The following SPMIP7 variants were observed in gnomAD, a reference collection of about 807,000 sequenced individuals.
SPMIP7 encodes sperm microtubule inner protein 7, also known as protein SPMIP7.
chr7:50,110,275 T>C, the SPMIP7 span, among the ~76,000 whole-genome samples: 201 of 151,376 alleles, frequency 1.3e-3, no homozygotes, highest in Non-Finnish European at 2.3e-3. Flanking sequence ...AATGATAATA[T>C]CTTAAAAGCG....
chr7:50,134,239 T>C, the SPMIP7 span: 555 of 1,541,832 alleles, frequency 3.6e-4, 2 homozygotes, highest in East Asian at 0.013. Flanking sequence ...GTGCCAGCAA[T>C]AACTCAGGTC....
At chr7:50,103,300 G>A in the SPMIP7 span, among the ~76,000 whole-genome samples, 1 of 152,032 alleles carries the variant, frequency 6.6e-6, no homozygotes, top group African/African-American at 2.4e-5. Flanking sequence ...CAAATCTGAA[G>A]CCCCCATGGG....
At chr7:50,104,678 A>G in the SPMIP7 span, among the ~76,000 whole-genome samples, 1 of 152,056 alleles carries the variant, frequency 6.6e-6, no homozygotes, top group African/African-American at 2.4e-5. Context: ...GACTTCCTTC[A>G]CTGGCAAGTG....
the SPMIP7 span, among the ~76,000 whole-genome samples, chr7:50,125,261 CA>C: frequency 2.2e-5 from 1 of 45,130 alleles, no homozygotes; most frequent in African/African-American, 1.5e-4. Flanking sequence ...CATATATATA[CA>C]CACATATATA....
At chr7:50,153,646 C>A in the SPMIP7 span, among the ~76,000 whole-genome samples, 7 of 152,130 alleles carry the variant, frequency 4.6e-5, no homozygotes, top group Non-Finnish European at 8.8e-5. Context: ...ATGTTACTAT[C>A]ACCATTTTAC....
At chr7:50,153,478 G>T in the SPMIP7 span, among the ~76,000 whole-genome samples, 1 of 152,184 alleles carries the variant, frequency 6.6e-6, no homozygotes, top group African/African-American at 2.4e-5. Context: ...TAAATCACAA[G>T]AACTGCTTGC....
At chr7:50,150,269 C>T in the SPMIP7 span, among the ~76,000 whole-genome samples, 2 of 152,148 alleles carry the variant, frequency 1.3e-5, no homozygotes, top group African/African-American at 2.4e-5. Context: ...TTTGTCTGGG[C>T]ACCAATTTTG....
At chr7:50,107,378 A>G in the SPMIP7 span, among the ~76,000 whole-genome samples, 22 of 70,898 alleles carry the variant, frequency 3.1e-4, no homozygotes, top group Admixed American at 2.5e-3. Context: ...AAAAAAAAAA[A>G]AAAAAAAGAA....
At chr7:50,129,292 A>G in the SPMIP7 span, among the ~76,000 whole-genome samples, 1 of 152,044 alleles carries the variant, frequency 6.6e-6, no homozygotes, top group Non-Finnish European at 1.5e-5. Flanking sequence ...CATTAAAGAT[A>G]ATAATGATTA....
At chr7:50,099,029 G>A in the SPMIP7 span, among the ~76,000 whole-genome samples, 2 of 152,168 alleles carry the variant, frequency 1.3e-5, no homozygotes, top group South Asian at 2.1e-4. Flanking sequence ...GGCAACAACC[G>A]TTATATCTTC....
At chr7:50,134,328 A>G in the SPMIP7 span, 1 of 1,248,094 alleles carries the variant, frequency 8.0e-7, no homozygotes, top group Non-Finnish European at 1.1e-6. Flanking sequence ...AATAATACTT[A>G]TTTTATTGTT....
the SPMIP7 span, among the ~76,000 whole-genome samples, chr7:50,152,610 G>A: frequency 6.6e-6 from 1 of 152,126 alleles, no homozygotes; most frequent in Admixed American, 6.5e-5. Flanking sequence ...CCCAAAAGGA[G>A]AGCTTGTTCT....
At chr7:50,119,131 T>TC in the SPMIP7 span, among the ~76,000 whole-genome samples, 1 of 152,060 alleles carries the variant, frequency 6.6e-6, no homozygotes, top group Non-Finnish European at 1.5e-5. Flanking sequence ...GAACCCATGG[T>TC]CCTCTCCCTA....
the SPMIP7 span, among the ~76,000 whole-genome samples, chr7:50,120,038 C>G: frequency 1.3e-5 from 2 of 152,188 alleles, no homozygotes; most frequent in African/African-American, 4.8e-5. Flanking sequence ...TGGGGGCCTG[C>G]AGACACATTG....
chr7:50,151,593 A>G, the SPMIP7 span: 3 of 1,383,472 alleles, frequency 2.2e-6, no homozygotes, highest in African/African-American at 1.4e-5. Context: ...TTGCTCAGAT[A>G]CATTAGGAGG....
At chr7:50,113,851 T>A in the SPMIP7 span, among the ~76,000 whole-genome samples, 2 of 152,074 alleles carry the variant, frequency 1.3e-5, no homozygotes, top group African/African-American at 2.4e-5. Context: ...AAATTTTTTT[T>A]AAAATTATGC....
chr7:50,096,734 T>G, the SPMIP7 span: 1 of 975,712 alleles, frequency 1.0e-6, no homozygotes, highest in Non-Finnish European at 1.4e-6. Context: ...ATTAACAAAA[T>G]TACAATGATC....
At chr7:50,110,712 T>G in the SPMIP7 span, among the ~76,000 whole-genome samples, 4 of 88,128 alleles carry the variant, frequency 4.5e-5, no homozygotes, top group Non-Finnish European at 6.4e-5. Context: ...TTATATAATA[T>G]ATTGCATATA....
the SPMIP7 span, among the ~76,000 whole-genome samples, chr7:50,135,840 G>A: frequency 3.3e-5 from 5 of 152,078 alleles, no homozygotes; most frequent in Non-Finnish European, 7.4e-5. Flanking sequence ...CATGGGTTTC[G>A]GTATGAAACA....
Sources: gnomAD v4.1 joint callset for allele counts (sites outside exome capture counted in the v4.1 genomes callset) on GRCh38, gnomAD v4.1.1 for gene constraint, MANE v1.5 for transcripts, NCBI Gene and HGNC (gene_info 2026-07-23, HGNC 2026-07-21) for gene names.